Variants in PXDNL observed in about 807,000 individuals in gnomAD.
The protein encoded by PXDNL is peroxidasin like.
A neutral mutation model predicts 150.8 loss-of-function variants in PXDNL; 145 were observed. The observed-to-expected ratio is 0.96, with a 90% CI of 0.84 to 1.10. The LOEUF is 1.10. Among genes scored for constraint, PXDNL ranks in the 50% least tolerant of loss-of-function variants. The pLI, the probability that PXDNL is intolerant of heterozygous loss-of-function variation, is 0.00. For missense variants in PXDNL, 2,087 were observed against 1,873.9 expected, an observed-to-expected ratio of 1.11 and a Z score of -2.10; for synonymous variants, 757 against 725.7, an observed-to-expected ratio of 1.04 and a Z score of -0.69.
intron 2 of PXDNL, among the ~76,000 whole-genome samples, chr8:51,593,265 T>A (rs1813487519): frequency 6.6e-6 from 1 of 152,160 alleles, no homozygotes; most frequent in Non-Finnish European, 1.5e-5. Flanking sequence ...ATAAATCGAA[T>A]TTGAACCGTA....
intron 4 of PXDNL, among the ~76,000 whole-genome samples, chr8:51,540,941 ATGT>A (rs1812202220): frequency 1.3e-5 from 2 of 150,350 alleles, no homozygotes; most frequent in Non-Finnish European, 2.9e-5. Flanking sequence ...TTGGGTGCAG[ATGT>A]TGTTATTTTT....
At chr8:51,554,273 G>A (rs887292647) in intron 4 of PXDNL, among the ~76,000 whole-genome samples, 4 of 152,168 alleles carry the variant, frequency 2.6e-5, no homozygotes, top group Middle Eastern at 3.2e-3. Context: ...TTAAGGTGGT[G>A]CAGGGTAGTG....
intron 4 of PXDNL, among the ~76,000 whole-genome samples, chr8:51,534,939 G>A (rs1321171062): frequency 9.2e-6 from 1 of 109,094 alleles, no homozygotes; most frequent in African/African-American, 5.7e-5. Flanking sequence ...CCCTCTGCCC[G>A]GCCAGCCGCC....
At chr8:51,690,055 C>T (rs35153909) in intron 1 of PXDNL, among the ~76,000 whole-genome samples, 81,140 of 152,106 alleles carry the variant, frequency 0.53, 26,378 homozygotes, top group Non-Finnish European at 0.7. Context: ...GATAATAAAA[C>T]CGAGCTTTTT....
chr8:51,605,200 T>A (rs1169271096), intron 2 of PXDNL, among the ~76,000 whole-genome samples: 1 of 152,136 alleles, frequency 6.6e-6, no homozygotes, highest in Non-Finnish European at 1.5e-5. Flanking sequence ...TGAAAAGCAA[T>A]AATTTTCTCT....
chr8:51,472,107 G>C (rs1810351845), intron 8 of PXDNL, 80 bp downstream of exon 8: 1 of 892,374 alleles, frequency 1.1e-6, no homozygotes, highest in Admixed American at 2.1e-5. Context: ...TTCTTCTCTA[G>C]ATAAAGGAGT....
chr8:51,322,078 G>A (rs1248129995), intron 21 of PXDNL, among the ~76,000 whole-genome samples: 1 of 152,146 alleles, frequency 6.6e-6, no homozygotes, highest in Non-Finnish European at 1.5e-5. Context: ...GAGGACACAG[G>A]GAGAAGGTGG....
chr8:51,411,389 A>T lies in PXDNL; in HGVS notation c.1923T>A (p.Ser641Arg). The T allele has an allele frequency of 8.9e-6, 14 of 1,574,964 alleles. No individual in the cohort carries two copies. The highest frequency in any genetic ancestry group is 1.1e-5 in the Non-Finnish European group (13 of 1,166,180). Residue 641 changes from serine to arginine, a missense_variant, in exon 16 of 23, where the codon AGT (serine) becomes AGA (arginine). Physicochemically the swap from Ser to Arg is moderately radical, Grantham distance 110 (BLOSUM62 -1). Coordinates refer to ENST00000356297, the MANE Select transcript of PXDNL (RefSeq NM_144651.5). ...GGTAATGAAATTGAGCCAGCAGGTC[A>T]CTGGAGGTGTGAGGTTTTCTGCAAA... Reference protein sequence around the residue: ...HLFSQKPHTSSDLLAQFHYPR... With the variant: ...HLFSQKPHTSRDLLAQFHYPR...
intron 1 of PXDNL, among the ~76,000 whole-genome samples, chr8:51,763,742 C>A (rs367730251): frequency 4.6e-5 from 7 of 152,080 alleles, no homozygotes; most frequent in African/African-American, 1.7e-4. Context: ...TTGTTCACCA[C>A]AAGTACATAC....
chr8:51,375,880 A>C (rs925854748), intron 17 of PXDNL, among the ~76,000 whole-genome samples: 1 of 152,250 alleles, frequency 6.6e-6, no homozygotes, highest in Non-Finnish European at 1.5e-5. Context: ...GCATAAAAGC[A>C]GCCATAGACA....
intron 14 of PXDNL, among the ~76,000 whole-genome samples, chr8:51,414,648 A>G (rs555821886): frequency 6.6e-6 from 1 of 152,216 alleles, no homozygotes; most frequent in South Asian, 2.1e-4. Flanking sequence ...AAAAAGACAA[A>G]AATTGATTAA....
At chr8:51,340,465 G>A (rs1463402157) in intron 20 of PXDNL, among the ~76,000 whole-genome samples, 1 of 152,162 alleles carries the variant, frequency 6.6e-6, no homozygotes. Context: ...TGCATTTCAA[G>A]TGCTCTTACG....
chr8:51,372,903 C>T (rs1290575808), intron 18 of PXDNL, among the ~76,000 whole-genome samples: 1 of 152,192 alleles, frequency 6.6e-6, no homozygotes, highest in Non-Finnish European at 1.5e-5. Flanking sequence ...TGGGTACATT[C>T]AGCAAAGTCA....
chr8:51,582,554 G>A (rs1021559555), intron 3 of PXDNL, among the ~76,000 whole-genome samples: 26 of 152,088 alleles, frequency 1.7e-4, no homozygotes, highest in Admixed American at 1.2e-3. Context: ...GAAGGACAAT[G>A]TTATGATACT....
rs1471212956 is a variant in PXDNL at position 51,408,844 on chromosome 8, G to T, written c.2780C>A (p.Pro927His). The T allele has an allele frequency of 6.3e-7, 1 of 1,577,494 alleles. No individual in the cohort carries two copies. The highest frequency in any genetic ancestry group is 2.2e-5 in the East Asian group (1 of 44,498). ...RGLLKTGFPWPPSGKPLLPFS... is the reference protein window; with the variant it reads ...RGLLKTGFPWHPSGKPLLPFS... ...GGGCAATAAGGGCTTTCCGGAGGGA[G>T]GCCAAGGAAAGCCTGTCTTCAGGAG... Residue 927 changes from proline to histidine, a missense_variant, in exon 17 of 23, where the codon CCT becomes CAT. Physicochemically the swap from Pro to His is moderately conservative, Grantham distance 77. Coordinates refer to ENST00000356297, the MANE Select transcript of PXDNL (RefSeq NM_144651.5).
At chr8:51,370,603 C>T (rs1429778586) in intron 19 of PXDNL, among the ~76,000 whole-genome samples, 4 of 152,090 alleles carry the variant, frequency 2.6e-5, no homozygotes, top group Non-Finnish European at 5.9e-5. Context: ...AAAAGACAAC[C>T]GTGACTCAGG....
chr8:51,676,465 T>A (rs1270375774), intron 1 of PXDNL, among the ~76,000 whole-genome samples: 1 of 151,868 alleles, frequency 6.6e-6, no homozygotes, highest in South Asian at 2.1e-4. Flanking sequence ...TTAGTAGAGA[T>A]GGGGTTTCAC....
intron 1 of PXDNL, among the ~76,000 whole-genome samples, chr8:51,749,596 T>G (rs2037021920): frequency 6.6e-6 from 1 of 152,244 alleles, no homozygotes; most frequent in Non-Finnish European, 1.5e-5. Context: ...TTGCTCAGCG[T>G]GAGTCAGTGA....
intron 3 of PXDNL, among the ~76,000 whole-genome samples, chr8:51,591,531 T>G (rs1487812600): frequency 7.5e-6 from 1 of 133,146 alleles, no homozygotes; most frequent in African/African-American, 2.6e-5. Flanking sequence ...GAATGGTGTC[T>G]TCTCTTTAAG....
Sources: gnomAD v4.1 joint callset for allele counts (sites outside exome capture counted in the v4.1 genomes callset) on GRCh38, gnomAD v4.1.1 for gene constraint, MANE v1.5 for transcripts, NCBI Gene and HGNC (gene_info 2026-07-23, HGNC 2026-07-21) for gene names.